Variants in CNTLN observed in about 807,000 individuals in gnomAD.
The protein encoded by CNTLN is centlein.
A neutral mutation model predicts 180.0 loss-of-function variants in CNTLN; 212 were observed. The observed-to-expected ratio is 1.18, with a 90% CI of 1.05 to 1.32. The LOEUF is 1.32. CNTLN is among the 40% of genes most tolerant of loss of function. The pLI is 0.00. For missense variants in CNTLN, 2,095 were observed against 1,610.9 expected (o/e 1.30, Z -5.14); for synonymous variants, 722 against 563.1 (o/e 1.28, Z -3.99).
chr9:17,330,981 C>T (rs1020991681), intron 9 of CNTLN, among the ~76,000 whole-genome samples, 173 bp downstream of exon 9: 1 of 151,790 alleles, frequency 6.6e-6, no homozygotes, highest in African/African-American at 2.4e-5. Context: ...GGAGTTTTCC[C>T]TTTTTAAAGA....
chr9:17,420,440 C>T (rs1335192276), intron 18 of CNTLN, among the ~76,000 whole-genome samples: 1 of 151,850 alleles, frequency 6.6e-6, no homozygotes, highest in African/African-American at 2.4e-5. Flanking sequence ...TATTATTTGT[C>T]TTCTCTTTTT....
chr9:17,195,625 G>A (rs1256935126), intron 2 of CNTLN, among the ~76,000 whole-genome samples: 2 of 152,094 alleles, frequency 1.3e-5, no homozygotes, highest in Admixed American at 1.3e-4. Flanking sequence ...TTTACTGAAT[G>A]GCTAATATGT....
chr9:17,165,190 T>G (rs1819984076), intron 2 of CNTLN, among the ~76,000 whole-genome samples: 1 of 152,160 alleles, frequency 6.6e-6, no homozygotes, highest in Non-Finnish European at 1.5e-5. Context: ...TTTCAACCTT[T>G]GATCCCATGT....
In CNTLN at chr9:17,490,833, G is replaced by A. The variant is rs578190203; in HGVS notation, c.4119+3767G>A. 1.6e-4 allele frequency among the ~76,000 whole-genome samples: 25 copies of A among 152,134 alleles called. No individual in the cohort carries two copies. The South Asian group carries it at 3.3e-3, about 20-fold the overall frequency. On this transcript the variant is annotated intron_variant, in intron 25 of 25. Coordinates refer to ENST00000380647, the MANE Select transcript of CNTLN (RefSeq NM_017738.4). ...AAATTTAATAAATTGCTTATTTCAC[G>A]TGTGTTGTGCCCCCCACCAATAGCA...
chr9:17,387,457 G>A (rs925236108), intron 13 of CNTLN, among the ~76,000 whole-genome samples: 1 of 152,070 alleles, frequency 6.6e-6, no homozygotes, highest in Admixed American at 6.6e-5. Flanking sequence ...TTTGATTTTA[G>A]TATTAACTGA....
At chr9:17,298,404 A>G (rs1218411853) in intron 7 of CNTLN, 52 bp downstream of exon 7, 2 of 1,442,348 alleles carry the variant, frequency 1.4e-6, no homozygotes, top group African/African-American at 1.5e-5. Flanking sequence ...TGAACTTATG[A>G]ACATATATAG....
intron 6 of CNTLN, among the ~76,000 whole-genome samples, chr9:17,291,465 C>T (rs955598364): frequency 6.6e-6 from 1 of 152,076 alleles, no homozygotes; most frequent in Non-Finnish European, 1.5e-5. Context: ...TCTCTAAGAA[C>T]TTGTTTTATG....
rs771726323 is a variant in CNTLN, at chr9:17,273,779, C to T, written c.896C>T (p.Ser299Leu). ...GAAGCAAGGAAAGAAGTTGAAGTATCACAGAGTAAATACAATGCTCTATCA... is the reference window on the plus strand; with the variant it reads ...GAAGCAAGGAAAGAAGTTGAAGTATTACAGAGTAAATACAATGCTCTATCA... ...LIEARKEVEVSQSKYNALSLQ... is the reference protein window; with the variant it reads ...LIEARKEVEVLQSKYNALSLQ... Residue 299 changes from serine to leucine, a missense_variant, in exon 6 of 26, where the codon TCA (serine) becomes TTA (leucine). Physicochemically the swap from Ser to Leu is moderately radical, Grantham distance 145 (BLOSUM62 -2). Transcript: ENST00000380647. The T allele has an allele frequency of 2.5e-5, 39 of 1,559,050 alleles. No homozygotes were observed. The highest frequency in any genetic ancestry group is 3.3e-5 in the Non-Finnish European group (38 of 1,155,182).
At chr9:17,511,648 T>TCTCTCTCTCA in the CNTLN span, among the ~76,000 whole-genome samples, 2 of 146,582 alleles carry the variant, frequency 1.4e-5, no homozygotes, top group Non-Finnish European at 3.0e-5. Context: ...TCTCTCTCTC[T>TCTCTCTCTCA]CACACACACA....
chr9:17,251,062 A>C (rs1231822443), intron 5 of CNTLN, among the ~76,000 whole-genome samples: 4 of 151,990 alleles, frequency 2.6e-5, no homozygotes, highest in Non-Finnish European at 5.9e-5. Context: ...TACGTTAAAT[A>C]TGTTATCTCA....
chr9:17,287,750 T>C (rs201698671), intron 6 of CNTLN, among the ~76,000 whole-genome samples: 152 of 143,928 alleles, frequency 1.1e-3, no homozygotes, highest in African/African-American at 3.5e-3. Context: ...GTGTATGTGT[T>C]GAGGAATTTA....
chr9:17,290,668 G>C (rs1489442936), intron 6 of CNTLN, among the ~76,000 whole-genome samples: 1 of 149,914 alleles, frequency 6.7e-6, no homozygotes, highest in Admixed American at 6.7e-5. Flanking sequence ...GAGACTCCGT[G>C]GGCGTAGGAC....
Position 17,479,091 on chromosome 9 carries a change from G to A in CNTLN, c.3856-5204G>A, listed in dbSNP as rs551631831. Among the ~76,000 whole-genome samples the A allele has an allele frequency of 1.4e-3, 214 of 152,264 alleles. 1 individual carries two copies. The highest frequency in any genetic ancestry group is 5.1e-3 in the African/African-American group (211 of 41,552). ...TAATTGGACCCTTTGTACACTGTTG[G>A]TGGGAATGCAAAGTGGTGCAGCTGC... On this transcript the variant is annotated intron_variant, in intron 23 of 25. Transcript: ENST00000380647.
At chr9:17,213,744 A>G (rs1017072940) in intron 2 of CNTLN, among the ~76,000 whole-genome samples, 3 of 152,230 alleles carry the variant, frequency 2.0e-5, no homozygotes, top group African/African-American at 7.2e-5. Flanking sequence ...GTGCTCCTGT[A>G]TTGGGTGCAT....
At chr9:17,141,158 G>T (rs1456652432) in intron 1 of CNTLN, among the ~76,000 whole-genome samples, 2 of 152,180 alleles carry the variant, frequency 1.3e-5, no homozygotes, top group African/African-American at 4.8e-5. Flanking sequence ...AGGTTGGTCT[G>T]TTACTTGGGC....
chr9:17,288,391 G>A (rs1049260605), intron 6 of CNTLN, among the ~76,000 whole-genome samples: 22 of 136,388 alleles, frequency 1.6e-4, no homozygotes, highest in Admixed American at 6.6e-4. Flanking sequence ...TATAATTTCT[G>A]TTCTTTTACA....
chr9:17,185,711 C>T (rs114602030), intron 2 of CNTLN, among the ~76,000 whole-genome samples: 2,889 of 151,814 alleles, frequency 0.019, 58 homozygotes, highest in African/African-American at 0.05. Context: ...CTATGCCTTG[C>T]ACATTTCACT....
At chr9:17,439,886 C>G (rs751739624) in intron 18 of CNTLN, among the ~76,000 whole-genome samples, 10 of 152,184 alleles carry the variant, frequency 6.6e-5, no homozygotes, top group Non-Finnish European at 1.2e-4. Flanking sequence ...CAGATCTATC[C>G]ACAACTTAAT....
intron 8 of CNTLN, among the ~76,000 whole-genome samples, chr9:17,310,973 T>G (rs368479118): frequency 1.2e-4 from 19 of 152,114 alleles, no homozygotes; most frequent in South Asian, 4.1e-4. Flanking sequence ...ACTGTGTACT[T>G]GTCTTTTCTT....
Sources: gnomAD v4.1 joint callset for allele counts (sites outside exome capture counted in the v4.1 genomes callset) on GRCh38, gnomAD v4.1.1 for gene constraint, MANE v1.5 for transcripts, NCBI Gene and HGNC (gene_info 2026-07-23, HGNC 2026-07-21) for gene names.